The following ANOS1 variants were observed in gnomAD, a reference collection of about 807,000 sequenced individuals.
ANOS1 encodes anosmin-1.
In ANOS1, 6 loss-of-function variants were observed where a neutral mutation model predicts 59.0. That is an observed-to-expected ratio of 0.10 (90% CI 0.06 to 0.20). The LOEUF is 0.20. Ranked by LOEUF, ANOS1 falls within the 10% of genes least tolerant of loss-of-function variation. The pLI is 1.00. For synonymous variants in ANOS1, 217 were observed against 223.4 expected (o/e 0.97, Z 0.25); for missense variants, 433 against 542.3 (o/e 0.80, Z 2.00).
intron 2 of ANOS1, among the ~76,000 whole-genome samples, chrX:8,657,077 C>A (rs1158225396): frequency 8.9e-6 from 1 of 112,415 alleles, no homozygotes; most frequent in Admixed American, 9.3e-5. Context: ...AGGGGGCAGG[C>A]AGAGATTGAT....
intron 4 of ANOS1, among the ~76,000 whole-genome samples, chrX:8,591,332 A>G (rs1370510498): frequency 1.8e-5 from 2 of 111,706 alleles, no homozygotes; most frequent in African/African-American, 6.5e-5. Context: ...GTAAAAAAAA[A>G]TGATGACCAA....
intron 2 of ANOS1, among the ~76,000 whole-genome samples, chrX:8,626,945 ACAT>A (rs1372045689): frequency 9.0e-6 from 1 of 111,587 alleles, no homozygotes; most frequent in Admixed American, 9.5e-5. Context: ...TCCTATGGCT[ACAT>A]CAATGCTTTG....
chrX:8,588,771 A>G (rs1259024788), intron 4 of ANOS1, among the ~76,000 whole-genome samples: 1 of 112,381 alleles, frequency 8.9e-6, no homozygotes, highest in African/African-American at 3.2e-5. Context: ...TTGAAGAACC[A>G]CAGTTCAAAA....
chrX:8,710,078 C>T (rs1241865530), intron 1 of ANOS1, among the ~76,000 whole-genome samples: 2 of 110,937 alleles, frequency 1.8e-5, no homozygotes, highest in African/African-American at 6.6e-5. Flanking sequence ...CTGCAGGTGC[C>T]CGCCACCACG....
intron 9 of ANOS1, among the ~76,000 whole-genome samples, chrX:8,553,205 T>TA (rs889966792): frequency 2.1e-4 from 21 of 102,174 alleles, no homozygotes; most frequent in East Asian, 1.5e-3. Context: ...ATTCTAAGAC[T>TA]AAAAAAAAAA....
rs528579834 is a variant in ANOS1 at position 8,667,689 on chromosome X, C to A, written c.255+32009G>T. ...TCTACTGGAGATAAAATATCATCAG[C>A]CGTATGGGGGTTGCTTCTTAGAAGG... On this transcript the variant is annotated intron_variant, in intron 2 of 13. Transcript: ENST00000262648. Among the ~76,000 whole-genome samples the A allele has an allele frequency of 2.3e-3, 250 of 111,065 alleles. 3 individuals carry two copies. Among genetic ancestry groups the A allele is most frequent in the South Asian group, 0.02 (52 of 2,557 alleles).
At chrX:8,695,803 T>C (rs1039501263) in intron 2 of ANOS1, among the ~76,000 whole-genome samples, 4 of 111,028 alleles carry the variant, frequency 3.6e-5, no homozygotes, top group Admixed American at 9.6e-5. Flanking sequence ...AGACTTCATA[T>C]GTGTGAGGTA....
intron 4 of ANOS1, among the ~76,000 whole-genome samples, chrX:8,594,768 T>A (rs767577593): frequency 3.3e-3 from 216 of 65,777 alleles, no homozygotes; most frequent in African/African-American, 6.8e-3. Context: ...ATATATATAT[T>A]TTTTTTTTGC....
chrX:8,542,978 G>C (rs34244961), intron 9 of ANOS1, among the ~76,000 whole-genome samples: 1 of 111,052 alleles, frequency 9.0e-6, no homozygotes, highest in African/African-American at 3.3e-5. Context: ...CACTCCTCTC[G>C]TTCCCAATGT....
At chrX:8,663,493 G>A (rs1274204109) in intron 2 of ANOS1, among the ~76,000 whole-genome samples, 1 of 111,464 alleles carries the variant, frequency 9.0e-6, no homozygotes, top group Non-Finnish European at 1.9e-5. Context: ...GAGTTTGCAG[G>A]ATGGTAGATA....
chrX:8,623,206 G>C lies in ANOS1; in HGVS notation c.318+402C>G, dbSNP rs138466312. Among the ~76,000 whole-genome samples, 5 of 111,230 alleles carry C rather than the reference G, an allele frequency of 4.5e-5. No homozygotes were observed. The East Asian group carries it at 1.4e-3, about 32-fold the overall frequency. On this transcript the variant is annotated intron_variant, in intron 3 of 13. Transcript: ENST00000262648. ...AGGATATGAGGAGGAACCCCGAGGG[G>C]AACAAAGAGATGAAAATATTTGAGA...
At chrX:8,635,981 G>A (rs901575356) in intron 2 of ANOS1, among the ~76,000 whole-genome samples, 3 of 110,960 alleles carry the variant, frequency 2.7e-5, no homozygotes, top group Non-Finnish European at 3.8e-5. Flanking sequence ...CACAGCATTC[G>A]AAGAACTTAA....
At chrX:8,690,362 T>C (rs1415314820) in intron 2 of ANOS1, among the ~76,000 whole-genome samples, 1 of 112,351 alleles carries the variant, frequency 8.9e-6, no homozygotes, top group Non-Finnish European at 1.9e-5. Flanking sequence ...AGCAACATTA[T>C]TCTTGAAATG....
intron 6 of ANOS1, among the ~76,000 whole-genome samples, chrX:8,577,293 G>A (rs1268501889): frequency 9.8e-5 from 11 of 111,892 alleles, no homozygotes; most frequent in South Asian, 3.8e-4. Flanking sequence ...TACTTCAAGA[G>A]CAGAGTTTGA....
At position 8,531,065 on chromosome X, in the gene ANOS1, C is replaced by T. The variant is rs1405839529; in HGVS notation, c.*1930G>A. On this transcript the variant is annotated 3_prime_UTR_variant, in exon 14 of 14. Transcript: ENST00000262648. Reference sequence around the variant, plus strand: ...ACTCAATGTGATAAATCCATCCCAGCTTGTGACAGGAGCTGCAGTGAACCA... The same window carrying T: ...ACTCAATGTGATAAATCCATCCCAGTTTGTGACAGGAGCTGCAGTGAACCA... The T allele has an allele frequency of 5.5e-5, 5 of 90,276 alleles. No individual in the cohort carries two copies. The highest frequency in any genetic ancestry group is 1.1e-4 in the Non-Finnish European group (5 of 46,188). The allele number at this position is 90,276 out of a possible 1,213,427, so 7.4% of individuals were successfully genotyped here. A position where few individuals can be genotyped will look rare whatever the true frequency, so the allele number is the denominator to read the frequency against.
intron 1 of ANOS1, among the ~76,000 whole-genome samples, chrX:8,718,244 T>C (rs1158267050): frequency 9.1e-6 from 1 of 110,132 alleles, no homozygotes; most frequent in Non-Finnish European, 1.9e-5. Context: ...GTCACCCAAC[T>C]GGAGTGCAGT....
chrX:8,545,409 AAGGCAGGCAGGC>A (rs1555982858), intron 9 of ANOS1, among the ~76,000 whole-genome samples: 1 of 104,590 alleles, frequency 9.6e-6, no homozygotes, highest in East Asian at 3.1e-4. Context: ...GGAAGGAAGG[AAGGCAGGCAGGC>A]AGGCAGGCAG....
intron 8 of ANOS1, among the ~76,000 whole-genome samples, chrX:8,567,220 A>G (rs1358602182): frequency 8.9e-6 from 1 of 112,020 alleles, no homozygotes; most frequent in Non-Finnish European, 1.9e-5. Flanking sequence ...TTCCCAGCAA[A>G]CATACTAACA....
Position 8,729,392 on chromosome X carries a change from T to A in ANOS1, c.207+2438A>T, listed in dbSNP as rs1007286360. ...AGACTGATTGCTCCACCTTCCTTCC[T>A]TTTTTTTTTTTTTTTTTTTTTTTTT... On this transcript the variant is annotated intron_variant, in intron 1 of 13. Transcript: ENST00000262648. Among the ~76,000 whole-genome samples the A allele has an allele frequency of 2.0e-4, 11 of 53,842 alleles. No individual in the cohort carries two copies. In the East Asian group the frequency reaches 3.3e-3, roughly 16 times the overall value. The allele number at this position is 53,842 out of a possible 115,157, so 46.8% of individuals were successfully genotyped here.
Sources: gnomAD v4.1 joint callset for allele counts (sites outside exome capture counted in the v4.1 genomes callset) on GRCh38, gnomAD v4.1.1 for gene constraint, MANE v1.5 for transcripts, NCBI Gene and HGNC (gene_info 2026-07-23, HGNC 2026-07-21) for gene names.